The following PCDHA5 variants were observed in gnomAD, a reference collection of about 807,000 sequenced individuals.
The protein encoded by PCDHA5 is protocadherin alpha 5.
Under a neutral mutation model 61.6 loss-of-function variants are expected in PCDHA5, and 43 were observed. That is an observed-to-expected ratio of 0.70 (90% CI 0.55 to 0.90). The LOEUF (loss-of-function observed/expected upper bound fraction) is 0.90. Among genes scored for constraint, PCDHA5 ranks in the 40% least tolerant of loss-of-function variants. The pLI, the probability that PCDHA5 is intolerant of heterozygous loss-of-function variation, is 0.00. For synonymous variants in PCDHA5, 627 were observed against 543.9 expected (o/e 1.15, Z -2.13); for missense variants, 1,298 against 1,222.7 (o/e 1.06, Z -0.92).
chr5:140,991,748 T>C (rs1192231997), intron 3 of PCDHA5, among the ~76,000 whole-genome samples: 4 of 152,224 alleles, frequency 2.6e-5, no homozygotes, highest in Non-Finnish European at 4.4e-5. Flanking sequence ...AGGCTCTTTC[T>C]ATCATGCTCT....
In PCDHA5 at chr5:140,849,950, G is replaced by A. The variant is rs2150459734; in HGVS notation, c.2352+25823G>A. The A allele has an allele frequency of 1.4e-5, 22 of 1,598,026 alleles. 5 individuals carry two copies. In the African/African-American group the frequency reaches 2.5e-4, roughly 19 times the overall value. ...TGTCTGCGCGGGACGCTGACGCGCA[G>A]GAGAACGCCCTGGTGTCCTACTCGC... On this transcript the variant is annotated intron_variant, in intron 1 of 3. Transcript: ENST00000529859.
At chr5:140,862,122 G>A (rs2047215545) in intron 1 of PCDHA5, 2 of 161,786 alleles carry the variant, frequency 1.2e-5, no homozygotes, top group Admixed American at 5.7e-5. Flanking sequence ...ATAAATAAAT[G>A]TAAAGATAGG....
chr5:140,947,938 A>G (rs2094195228), intron 1 of PCDHA5, among the ~76,000 whole-genome samples: 1 of 151,536 alleles, frequency 6.6e-6, no homozygotes, highest in African/African-American at 2.4e-5. Context: ...CTTATGAGAA[A>G]AGTGTTCCAT....
At chr5:141,004,192 C>G (rs2098157863) in intron 3 of PCDHA5, among the ~76,000 whole-genome samples, 1 of 152,192 alleles carries the variant, frequency 6.6e-6, no homozygotes, top group African/African-American at 2.4e-5. Flanking sequence ...TGCTCTTAAC[C>G]AAAAGGAATT....
chr5:140,899,909 G>A (rs1401600020), intron 1 of PCDHA5, among the ~76,000 whole-genome samples: 1 of 152,134 alleles, frequency 6.6e-6, no homozygotes, highest in Non-Finnish European at 1.5e-5. Flanking sequence ...CTGGGCTCAA[G>A]CAATCCTCCT....
intron 1 of PCDHA5, among the ~76,000 whole-genome samples, chr5:140,948,646 G>T (rs1030231985): frequency 6.6e-6 from 1 of 151,616 alleles, no homozygotes; most frequent in South Asian, 2.1e-4. Context: ...ATCTTTTAAC[G>T]TCTGTATAAT....
rs137875021 is a variant in PCDHA5, at chr5:140,942,837, A to C, written c.2353-36112A>C. Among the ~76,000 whole-genome samples, 666 of 152,296 alleles carry C rather than the reference A, an allele frequency of 4.4e-3. 3 individuals are homozygous for C. Among genetic ancestry groups the C allele is most frequent in the African/African-American group, 0.016 (646 of 41,564 alleles). On this transcript the variant is annotated intron_variant, in intron 1 of 3. Transcript: ENST00000529859. ...TTGGATTTGGCCCTGTGTCAATAAA[A>C]ATTCCAGTAAGATGATTATTTTGCT...
Position 140,928,590 on chromosome 5 carries a change from A to G in PCDHA5, c.2353-50359A>G, listed in dbSNP as rs78699363. The G allele has an allele frequency of 6.8e-4, 1,101 of 1,614,224 alleles. 1 individual carries two copies. Among genetic ancestry groups the G allele is most frequent in the Non-Finnish European group, 8.8e-4 (1,041 of 1,180,028 alleles). On this transcript the variant is annotated intron_variant, in intron 1 of 3. Coordinates refer to ENST00000529859, the MANE Select transcript of PCDHA5 (RefSeq NM_018908.3). ...CCTTGCCCAGAAATGGTTCTGTCCC[A>G]GTGGAAATTGTGCCCCGCTCTGCCA...
At chr5:140,969,994 CAGAG>C (rs1406079395) in intron 1 of PCDHA5, among the ~76,000 whole-genome samples, 2 of 152,032 alleles carry the variant, frequency 1.3e-5, no homozygotes, top group Non-Finnish European at 1.5e-5. Context: ...AGAGGGCTGT[CAGAG>C]GGAGTGGATG....
At position 141,010,228 on chromosome 5, in the gene PCDHA5, C is replaced by T. The variant is rs1290626143; in HGVS notation, c.*291C>T. The stretch of plus-strand genomic sequence containing the variant: ...CCGCAAAGGAGAGGCTTCCCAGCCC[C>T]GCCAGTGAGAGGTTGGACTCTCTGC... On this transcript the variant is annotated 3_prime_UTR_variant, in exon 4 of 4. Coordinates refer to ENST00000529859, the MANE Select transcript of PCDHA5 (RefSeq NM_018908.3). 35 of 1,551,916 alleles carry T rather than the reference C, an allele frequency of 2.3e-5. No homozygotes were observed. The highest frequency in any genetic ancestry group is 2.8e-5 in the Non-Finnish European group (32 of 1,147,054).
chr5:140,933,405 T>C (rs2089126451), intron 1 of PCDHA5, among the ~76,000 whole-genome samples: 1 of 152,062 alleles, frequency 6.6e-6, no homozygotes, highest in African/African-American at 2.4e-5. Context: ...GGTTACCATC[T>C]ACAGATATTC....
At chr5:140,867,903 A>C (rs1010800579) in intron 1 of PCDHA5, 1 of 152,144 alleles carries the variant, frequency 6.6e-6, no homozygotes, top group Non-Finnish European at 1.5e-5. Flanking sequence ...TACTTACAGA[A>C]GGTATAATTA....
intron 1 of PCDHA5, chr5:140,836,354 C>A (rs2150258506): frequency 1.2e-6 from 2 of 1,613,672 alleles, no homozygotes; most frequent in Admixed American, 3.3e-5. Flanking sequence ...ACGGGGAGCC[C>A]TCGCTGACAG....
intron 1 of PCDHA5, among the ~76,000 whole-genome samples, chr5:140,897,558 T>A (rs1413076305): frequency 3.3e-5 from 5 of 152,186 alleles, no homozygotes; most frequent in African/African-American, 1.2e-4. Context: ...ATGGTGTATA[T>A]GTGCCACATT....
chr5:140,871,354 C>A, intron 1 of PCDHA5: 1 of 1,614,210 alleles, frequency 6.2e-7, no homozygotes, highest in Non-Finnish European at 8.5e-7. Flanking sequence ...GTCATACTCG[C>A]AGCAGAGGCG....
At chr5:140,864,300 T>C (rs889692315) in intron 1 of PCDHA5, 9 of 152,214 alleles carry the variant, frequency 5.9e-5, no homozygotes, top group Non-Finnish European at 1.2e-4. Flanking sequence ...TATTCAAAAA[T>C]ACCATGACAA....
At chr5:140,883,030 C>T (rs1554176556) in intron 1 of PCDHA5, 1 of 1,614,058 alleles carries the variant, frequency 6.2e-7, no homozygotes, top group Non-Finnish European at 8.5e-7. Context: ...TGTTAGAGAA[C>T]GCCTTCAATG....
At chr5:140,827,339 T>C (rs1769253765) in intron 1 of PCDHA5, among the ~76,000 whole-genome samples, 1 of 152,120 alleles carries the variant, frequency 6.6e-6, no homozygotes, top group Non-Finnish European at 1.5e-5. Context: ...AGTGGTGAAG[T>C]ATATGAAAAG....
At chr5:140,971,640 A>G (rs2096489850) in intron 1 of PCDHA5, among the ~76,000 whole-genome samples, 1 of 152,184 alleles carries the variant, frequency 6.6e-6, no homozygotes, top group Non-Finnish European at 1.5e-5. Context: ...CCATGTGCCT[A>G]CATTAAAAGT....
Sources: gnomAD v4.1 joint callset for allele counts (sites outside exome capture counted in the v4.1 genomes callset) on GRCh38, gnomAD v4.1.1 for gene constraint, MANE v1.5 for transcripts, NCBI Gene and HGNC (gene_info 2026-07-23, HGNC 2026-07-21) for gene names.